DCBLD1: variants seen among roughly 807,000 people sequenced by gnomAD.
DCBLD1 encodes discoidin, CUB and LCCL domain containing 1, also known as discoidin, CUB and LCCL domain-containing protein 1.
In DCBLD1, 57 loss-of-function variants were observed where a neutral mutation model predicts 71.5. The observed-to-expected ratio is 0.80, with a 90% confidence interval of 0.64 to 0.99. The LOEUF is 0.99. DCBLD1 is among the 50% of genes least tolerant of loss of function. The pLI is 0.00. For missense variants in DCBLD1, 891 were observed against 923.5 expected, an observed-to-expected ratio of 0.96 and a Z score of 0.46; for synonymous variants, 380 against 363.8, an observed-to-expected ratio of 1.04 and a Z score of -0.51.
In DCBLD1 at chr6:117,519,854, T is replaced by C. The variant is rs1778326449; in HGVS notation, c.364T>C (p.Leu122=). ...CGSMTVPKEL[L]LNTSEVTVRF... Reference sequence around the variant, plus strand: ...AAGTATGACTGTTCCCAAAGAACTCTTGTTGAACACAAGTGAAGTAACCGT... The same window carrying C: ...AAGTATGACTGTTCCCAAAGAACTCCTGTTGAACACAAGTGAAGTAACCGT... Residue 122 remains leucine, a synonymous_variant, in exon 3 of 15, where the codon TTG becomes CTG. Coordinates refer to ENST00000338728, the MANE Select transcript of DCBLD1 (RefSeq NM_001366458.2). 1 of 1,614,146 alleles carries C rather than the reference T, an allele frequency of 6.2e-7. No homozygotes were observed. Among genetic ancestry groups the C allele is most frequent in the East Asian group, 2.2e-5 (1 of 44,876 alleles).
At chr6:117,509,212 A>T (rs975899329) in intron 2 of DCBLD1, among the ~76,000 whole-genome samples, 1 of 152,146 alleles carries the variant, frequency 6.6e-6, no homozygotes, top group Non-Finnish European at 1.5e-5. Context: ...TGGATGAATC[A>T]CTTGAGCTTA....
intron 4 of DCBLD1, among the ~76,000 whole-genome samples, chr6:117,524,952 A>C (rs1392271914): frequency 6.6e-6 from 1 of 152,188 alleles, no homozygotes; most frequent in African/African-American, 2.4e-5. Flanking sequence ...CCCAGAGAGA[A>C]TCTAGGGATA....
chr6:117,563,971 TTTTTTTTTTTTC>T (rs890889379), intron 14 of DCBLD1, among the ~76,000 whole-genome samples: 2 of 145,110 alleles, frequency 1.4e-5, no homozygotes, highest in African/African-American at 5.0e-5. Flanking sequence ...TTTCCTTTCC[TTTTTTTTTTTTC>T]TTTTTTTTTT....
At chr6:117,486,298 A>AC (rs1777083241) in intron 1 of DCBLD1, among the ~76,000 whole-genome samples, 2 of 152,250 alleles carry the variant, frequency 1.3e-5, no homozygotes, top group Non-Finnish European at 1.5e-5. Flanking sequence ...GTTCTGGGAA[A>AC]TATACCCCAT....
Position 117,547,987 on chromosome 6 carries a change from G to A in DCBLD1, c.1696G>A (p.Glu566Lys). Residue 566 changes from glutamate to lysine, a missense_variant, in exon 15 of 15, where the codon GAG becomes AAG. Glu to Lys is a moderately conservative substitution (Grantham distance 56). Coordinates refer to ENST00000338728, the MANE Select transcript of DCBLD1 (RefSeq NM_001366458.2). ...STFRPMDTDAEEAGVSTDAGG... is the reference protein window; with the variant it reads ...STFRPMDTDAKEAGVSTDAGG... ...CTTCCGGCCCATGGACACGGATGCC[G>A]AGGAGGCAGGGGTGAGCACCGATGC... The A allele has an allele frequency of 1.9e-6, 3 of 1,550,568 alleles. No individual in the cohort carries two copies. The highest frequency in any genetic ancestry group is 1.2e-5 in the South Asian group (1 of 84,064).
intron 1 of DCBLD1, chr6:117,494,930 A>G (rs4946259): frequency 0.63 from 95,952 of 152,064 alleles, 32,198 homozygotes; most frequent in African/African-American, 0.87. Flanking sequence ...TCTGGGAAAT[A>G]CTGTAAACTG....
At position 117,482,959 on chromosome 6, in the gene DCBLD1, G is replaced by GCGGGCCGGGC. The variant is rs568118087; in HGVS notation, c.112+74_112+83dup. ...CCAGGGGCGGGCTGAGGGCTGCGGG[G>GCGGGCCGGGC]CGGGCCGGGCCGGGCCGAGGGCTAC... On this transcript the variant is annotated intron_variant, in intron 1 of 14. Transcript: ENST00000338728. The GCGGGCCGGGC allele has an allele frequency of 6.7e-4, 426 of 635,196 alleles. 1 individual carries two copies. Among genetic ancestry groups the GCGGGCCGGGC allele is most frequent in the South Asian group, 9.2e-4 (9 of 9,826 alleles). 39.3% of individuals were successfully genotyped at this position (635,196 alleles called of 1,614,324 possible). A position where few individuals can be genotyped will look rare whatever the true frequency, so the allele number is the denominator to read the frequency against.
intron 1 of DCBLD1, chr6:117,484,917 T>C (rs1432860678): frequency 6.6e-6 from 1 of 152,154 alleles, no homozygotes; most frequent in Non-Finnish European, 1.5e-5. Flanking sequence ...ATTAAAGTTT[T>C]AAAAAAGTGT....
chr6:117,527,301 G>C (rs1454274496), intron 5 of DCBLD1, among the ~76,000 whole-genome samples: 1 of 152,168 alleles, frequency 6.6e-6, no homozygotes, highest in African/African-American at 2.4e-5. Flanking sequence ...TTCCACAAGA[G>C]GGGATACAGG....
Position 117,548,286 on chromosome 6 carries a change from C to T in DCBLD1, c.1995C>T (p.Tyr665=). 5.2e-6 allele frequency: 8 copies of T among 1,550,646 alleles called. No individual in the cohort carries two copies. The highest frequency in any genetic ancestry group is 2.4e-5 in the East Asian group (1 of 40,916). Residue 665 remains tyrosine, a synonymous_variant, in exon 15 of 15, where the codon TAC becomes TAT. Transcript: ENST00000338728. ...GCGCACAGCCTGCGGACAGGGGCTA[C>T]GACCGGCCCAAAGCTGTCAGCGCCC... ...PHSAQPADRG[Y]DRPKAVSALA...
At chr6:117,484,582 C>G (rs886625460) in intron 1 of DCBLD1, among the ~76,000 whole-genome samples, 6 of 152,170 alleles carry the variant, frequency 3.9e-5, no homozygotes, top group Non-Finnish European at 7.3e-5. Context: ...CTCCTGAGCT[C>G]AAGTGATCCA....
rs542623654 is a variant in DCBLD1 at position 117,495,750 on chromosome 6, C to A, written c.113-8017C>A. ...CAGAAGTCTCAAGACTGGAGAGTGA[C>A]CAAAAACTGCAGTGTTCACTGATTT... On this transcript the variant is annotated intron_variant, in intron 1 of 14. Coordinates refer to ENST00000338728, the MANE Select transcript of DCBLD1 (RefSeq NM_001366458.2). Among the ~76,000 whole-genome samples, 83 of 152,288 alleles carry A rather than the reference C, an allele frequency of 5.5e-4. 1 individual carries two copies. The highest frequency in any genetic ancestry group is 1.9e-3 in the African/African-American group (77 of 41,560).
chr6:117,490,052 C>T (rs956230115), intron 1 of DCBLD1, among the ~76,000 whole-genome samples: 1 of 151,526 alleles, frequency 6.6e-6, no homozygotes, highest in Non-Finnish European at 1.5e-5. Context: ...CACATAGAAC[C>T]ATTGAGGACA....
chr6:117,484,721 C>A (rs1777025003), intron 1 of DCBLD1, among the ~76,000 whole-genome samples: 1 of 152,070 alleles, frequency 6.6e-6, no homozygotes, highest in East Asian at 1.9e-4. Context: ...GTGTTATAGG[C>A]AATTTCGTAT....
At chr6:117,501,682 C>G (rs780942558) in intron 1 of DCBLD1, among the ~76,000 whole-genome samples, 4 of 152,186 alleles carry the variant, frequency 2.6e-5, no homozygotes, top group Non-Finnish European at 5.9e-5. Context: ...TTATTAAAGC[C>G]CTTTAAAGCC....
At chr6:117,537,872 A>G (rs1035145718) in intron 7 of DCBLD1, among the ~76,000 whole-genome samples, 1 of 152,010 alleles carries the variant, frequency 6.6e-6, no homozygotes, top group African/African-American at 2.4e-5. Context: ...ACTTTTGCCA[A>G]AAAGAATAAA....
chr6:117,527,182 C>T (rs1778572231), intron 5 of DCBLD1, among the ~76,000 whole-genome samples: 2 of 152,208 alleles, frequency 1.3e-5, no homozygotes, highest in Admixed American at 1.3e-4. Flanking sequence ...ATAGATTACA[C>T]TCTTATATAA....
intron 6 of DCBLD1, among the ~76,000 whole-genome samples, chr6:117,535,946 A>T (rs1778868792): frequency 6.6e-6 from 1 of 152,126 alleles, no homozygotes; most frequent in Non-Finnish European, 1.5e-5. Flanking sequence ...GTAAGTAATG[A>T]TTGGTGCCTG....
intron 11 of DCBLD1, 143 bp from the exon 12 acceptor site, chr6:117,542,981 A>C (rs210619): frequency 3.0e-6 from 2 of 666,470 alleles, no homozygotes; most frequent in African/African-American, 3.6e-5. Flanking sequence ...TTGCTTTCCA[A>C]TATCAGTAAA....
Sources: allele counts gnomAD v4.1 joint callset (sites outside exome capture counted in the v4.1 genomes callset), GRCh38; gene constraint gnomAD v4.1.1; transcripts MANE v1.5; gene names NCBI Gene and HGNC (gene_info 2026-07-23, HGNC 2026-07-21).